The following ITGAE variants were observed in gnomAD, a reference collection of about 807,000 sequenced individuals.
ITGAE encodes integrin subunit alpha E.
In ITGAE, 99 loss-of-function variants were observed where a neutral mutation model predicts 136.5. That is an observed-to-expected ratio of 0.73 (90% CI 0.62 to 0.86). The LOEUF (loss-of-function observed/expected upper bound fraction) is 0.86. ITGAE is among the 40% of genes least tolerant of loss of function. ITGAE has a pLI of 0.00. For missense variants in ITGAE, 1,447 were observed against 1,515.3 expected, an observed-to-expected ratio of 0.95 and a Z score of 0.75; for synonymous variants, 613 against 591.8, an observed-to-expected ratio of 1.04 and a Z score of -0.52.
chr17:3,719,954 G>A (rs2051016787), intron 29 of ITGAE, among the ~76,000 whole-genome samples: 1 of 152,070 alleles, frequency 6.6e-6, no homozygotes, highest in African/African-American at 2.4e-5. Context: ...TTGAACTTCT[G>A]ACCTCAGGTG....
At chr17:3,792,787 G>C (rs543211354) in intron 1 of ITGAE, among the ~76,000 whole-genome samples, 33 of 152,306 alleles carry the variant, frequency 2.2e-4, no homozygotes, top group African/African-American at 7.9e-4. Context: ...ACATGAAAAA[G>C]ATCAGTTAAT....
In ITGAE at chr17:3,731,123, T is replaced by C. The variant is rs766531421; in HGVS notation, c.2815A>G (p.Ile939Val). The change falls in exon 23 of 31, where the codon ATC becomes GTC. Residue 939 changes from isoleucine (I) to valine (V), a missense_variant. Physicochemically the swap from Ile to Val is conservative, Grantham distance 29. Coordinates refer to ENST00000263087, the MANE Select transcript of ITGAE (RefSeq NM_002208.5). ...ACTTACTTGGTGACAGTCACAGTGATGTCTGCTGTCCTGTTTGGAAAGGCA... is the reference window on the plus strand; with the variant it reads ...ACTTACTTGGTGACAGTCACAGTGACGTCTGCTGTCCTGTTTGGAAAGGCA... The part of the protein sequence containing the change: ...ENAFPNRTAD[I>V]TVTVTNSNER... 5.4e-5 allele frequency: 87 copies of C among 1,613,482 alleles called. No individual in the cohort carries two copies. The South Asian group carries it at 9.1e-4, about 17-fold the overall frequency.
rs147493537 is a variant in ITGAE at position 3,725,292 on chromosome 17, T to C, written c.3085-1548A>G. On this transcript the variant is annotated intron_variant, in intron 26 of 30. Transcript: ENST00000263087. ...AAGCCCCTTAAACACTCTAAGTATTTCAAACAAAAAGGCATCTGATGCTGA... is the reference window on the plus strand; with the variant it reads ...AAGCCCCTTAAACACTCTAAGTATTCCAAACAAAAAGGCATCTGATGCTGA... 1.6e-4 allele frequency: 258 copies of C among 1,614,056 alleles called. No individual in the cohort carries two copies. The highest frequency in any genetic ancestry group is 2.1e-4 in the Non-Finnish European group (248 of 1,180,054).
At chr17:3,726,135 G>A in intron 26 of ITGAE, 2 of 1,614,136 alleles carry the variant, frequency 1.2e-6, no homozygotes, top group Non-Finnish European at 1.7e-6. Flanking sequence ...CAACCGCTGG[G>A]GTGAATATCA....
At chr17:3,784,302 CA>C in intron 1 of ITGAE, 3 of 359,106 alleles carry the variant, frequency 8.4e-6, no homozygotes, top group Non-Finnish European at 1.6e-5. Context: ...AAAAGCAGAC[CA>C]AAAATTGAGC....
chr17:3,761,125 G>A lies in ITGAE; in HGVS notation c.486C>T (p.Asn162=), dbSNP rs1254641413. Residue 162 remains asparagine, a synonymous_variant, in exon 6 of 31, where the codon AAC becomes AAT. Coordinates refer to ENST00000263087, the MANE Select transcript of ITGAE (RefSeq NM_002208.5). ...ARVDTGDCYS[N]KEGGGEDDVN... is the part of the protein sequence containing the mutation. ...CATCGTCTTCTCCACCGCCTTCTTT[G>A]TTGCTGTAGCAGTCTCCAGTGTCCA... 6.2e-7 allele frequency: 1 copy of A among 1,613,258 alleles called. No homozygotes were observed. Among genetic ancestry groups the A allele is most frequent in the South Asian group, 1.1e-5 (1 of 91,084 alleles).
chr17:3,771,376 G>GGTTA (rs2052417192), intron 2 of ITGAE, among the ~76,000 whole-genome samples: 1 of 152,100 alleles, frequency 6.6e-6, no homozygotes, highest in South Asian at 2.1e-4. Context: ...GTCAGCTGGG[G>GGTTA]GTTACTCTTG....
intron 12 of ITGAE, 150 bp from the exon 13 acceptor site, chr17:3,754,075 G>C: frequency 1.1e-6 from 1 of 885,226 alleles, no homozygotes; most frequent in Non-Finnish European, 1.7e-6. Flanking sequence ...GTTAAAAATC[G>C]GCATCAGCGA....
Position 3,797,785 on chromosome 17 carries a change from T to C in ITGAE, c.34+3326A>G, listed in dbSNP as rs574235790. Among the ~76,000 whole-genome samples, 5 of 152,176 alleles carry C rather than the reference T, an allele frequency of 3.3e-5. No individual in the cohort carries two copies. The East Asian group carries it at 9.7e-4, about 29-fold the overall frequency. On this transcript the variant is annotated intron_variant, in intron 1 of 30. Coordinates refer to ENST00000263087, the MANE Select transcript of ITGAE (RefSeq NM_002208.5). ...CAGGAAACTAAACGTTTCTCATGAG[T>C]GTGTCCTCCTCCCCACGTCTGCCTT...
chr17:3,756,950 C>T (rs762525733), intron 10 of ITGAE, 34 bp downstream of exon 10: 4 of 1,587,070 alleles, frequency 2.5e-6, no homozygotes, highest in Admixed American at 3.5e-5. Context: ...TAGGCTCGGG[C>T]CTCCTGCGGT....
chr17:3,797,463 CCTTT>C (rs1163673780), intron 1 of ITGAE, among the ~76,000 whole-genome samples: 8 of 129,930 alleles, frequency 6.2e-5, no homozygotes, highest in Non-Finnish European at 1.1e-4. Flanking sequence ...CTGCGCCTGG[CCTTT>C]TTTTTTTTTT....
chr17:3,716,588 G>A, intron 30 of ITGAE, 100 bp downstream of exon 30: 1 of 721,780 alleles, frequency 1.4e-6, no homozygotes. Context: ...CACGAGGCCA[G>A]GGCAGCTGCT....
chr17:3,716,685 G>C lies in ITGAE; in HGVS notation c.3444+3C>G. Reference sequence around the variant, plus strand: ...TCACTGTGATGCCATGAGTAGAACTGACCTTGAACAGGATGACCAGAATCA... The same window carrying C: ...TCACTGTGATGCCATGAGTAGAACTCACCTTGAACAGGATGACCAGAATCA... On this transcript the variant is annotated splice_donor_region_variant and intron_variant, in intron 30 of 30. Coordinates refer to ENST00000263087, the MANE Select transcript of ITGAE (RefSeq NM_002208.5). 6.4e-7 allele frequency: 1 copy of C among 1,550,448 alleles called. No individual in the cohort carries two copies. The highest frequency in any genetic ancestry group is 8.9e-7 in the Non-Finnish European group (1 of 1,122,116).
chr17:3,799,327 G>A lies in ITGAE; in HGVS notation c.34+1784C>T, dbSNP rs561026770. 3.9e-5 allele frequency among the ~76,000 whole-genome samples: 6 copies of A among 152,276 alleles called. No individual in the cohort carries two copies. In the East Asian group the frequency reaches 1.2e-3, roughly 29 times the overall value. The stretch of plus-strand genomic sequence containing the variant: ...CTGCTCTGGTCCCCTTCCCGTGGCT[G>A]AGCTGAGCTGTGGGCTAAGTGGTCT... On this transcript the variant is annotated intron_variant, in intron 1 of 30. Coordinates refer to ENST00000263087, the MANE Select transcript of ITGAE (RefSeq NM_002208.5). The surrounding 1 kb of genome is among the most constrained non-coding windows in gnomAD (Gnocchi z 4.1).
intron 2 of ITGAE, among the ~76,000 whole-genome samples, chr17:3,766,819 TAATAATAATA>T (rs1281302607): frequency 3.1e-4 from 46 of 147,108 alleles, no homozygotes; most frequent in African/African-American, 1.1e-3. Context: ...ATAATAATAA[TAATAATAATA>T]ATAATAATAA....
chr17:3,724,206 C>T (rs2051147094), intron 26 of ITGAE: 1 of 1,592,918 alleles, frequency 6.3e-7, no homozygotes, highest in Non-Finnish European at 8.5e-7. Flanking sequence ...GCCCAAGGAC[C>T]GGCCCAGCCT....
chr17:3,716,100 A>C (rs8078580), intron 30 of ITGAE, among the ~76,000 whole-genome samples: 79,854 of 150,358 alleles, frequency 0.53, 22,005 homozygotes, highest in African/African-American at 0.65. Context: ...GGTGGGGGGA[A>C]GGGAAGGTTG....
At position 3,799,947 on chromosome 17, in the gene ITGAE, T is replaced by C. The variant is rs1381404158; in HGVS notation, c.34+1164A>G. On this transcript the variant is annotated intron_variant, in intron 1 of 30. Coordinates refer to ENST00000263087, the MANE Select transcript of ITGAE (RefSeq NM_002208.5). The surrounding 1 kb of genome is among the most constrained non-coding windows in gnomAD (Gnocchi z 4.1). ...CAGCCTGACCAATATGGTGAGACCCTGTCTCTACTAAAAATACAAAAATTA... is the reference window on the plus strand; with the variant it reads ...CAGCCTGACCAATATGGTGAGACCCCGTCTCTACTAAAAATACAAAAATTA... Among the ~76,000 whole-genome samples the C allele has an allele frequency of 4.6e-5, 7 of 152,024 alleles. No homozygotes were observed. The highest frequency in any genetic ancestry group is 1.4e-4 in the African/African-American group (6 of 41,408).
At chr17:3,764,772 CT>C (rs1056695984) in intron 2 of ITGAE, among the ~76,000 whole-genome samples, 9 of 152,300 alleles carry the variant, frequency 5.9e-5, no homozygotes, top group Admixed American at 2.6e-4. Context: ...GCCTCAAGAG[CT>C]GCGCCTCCTG....
Sources: allele counts gnomAD v4.1 joint callset (sites outside exome capture counted in the v4.1 genomes callset), GRCh38; gene constraint gnomAD v4.1.1; non-coding constraint Gnocchi (gnomAD v3.1); transcripts MANE v1.5; gene names NCBI Gene and HGNC (gene_info 2026-07-23, HGNC 2026-07-21).